SCGN: variants seen among roughly 807,000 people sequenced by gnomAD.
SCGN encodes the protein secretagogin.
SCGN carries 30 observed loss-of-function variants against 39.7 expected under a neutral mutation model. The observed-to-expected ratio is 0.76, with a 90% CI of 0.57 to 1.03. The LOEUF (loss-of-function observed/expected upper bound fraction) is 1.03. Ranked by LOEUF, SCGN falls within the 50% of genes least tolerant of loss-of-function variation. The probability of loss-of-function intolerance (pLI) is 0.00; values close to 1 mark genes in which losing one functional copy is unlikely to be tolerated. For missense variants in SCGN, 353 were observed against 349.4 expected, an observed-to-expected ratio of 1.01 and a Z score of -0.08; for synonymous variants, 106 against 114.1, an observed-to-expected ratio of 0.93 and a Z score of 0.45.
rs377755840 is a variant in SCGN at position 25,652,553 on chromosome 6, C to A, written c.82+68C>A. 6.3e-5 allele frequency: 90 copies of A among 1,437,806 alleles called. 3 individuals carry two copies. Among genetic ancestry groups the A allele is most frequent in the East Asian group, 5.9e-4 (26 of 43,966 alleles). 89.1% of individuals were successfully genotyped at this position (1,437,806 alleles called of 1,614,324 possible). On this transcript the variant is annotated intron_variant, in intron 1 of 10. Transcript: ENST00000377961. ...CTCCAAGCTCAGCCCGCTGAAAGGA[C>A]CTGGAGTTTCCCCTTTACTGTAGGA... is the stretch of plus-strand genomic sequence containing the variant.
At position 25,656,592 on chromosome 6, in the gene SCGN, C is replaced by G. The variant is rs540703909; in HGVS notation, c.153+3140C>G. ...TCTATGTGTACATACCCCTCACATA[C>G]AGACTGTACCACATCCTGGGCCTCT... On this transcript the variant is annotated intron_variant, in intron 2 of 10. Transcript: ENST00000377961. 3.9e-5 allele frequency among the ~76,000 whole-genome samples: 6 copies of G among 152,320 alleles called. No individual in the cohort carries two copies. The East Asian group carries it at 1.2e-3, about 29-fold the overall frequency.
intron 10 of SCGN, among the ~76,000 whole-genome samples, chr6:25,694,080 C>T (rs1759808975): frequency 6.6e-6 from 1 of 152,286 alleles, no homozygotes; most frequent in East Asian, 1.9e-4. Flanking sequence ...AGCTATATCA[C>T]ATATTGATCT....
At chr6:25,660,433 C>T (rs1029061624) in intron 2 of SCGN, among the ~76,000 whole-genome samples, 4 of 152,188 alleles carry the variant, frequency 2.6e-5, no homozygotes, top group African/African-American at 4.8e-5. Context: ...GTGTTTGGCA[C>T]ATGGTAGGTG....
chr6:25,652,304 G>C lies in SCGN; in HGVS notation c.-100G>C, dbSNP rs887735492. The C allele has an allele frequency of 2.2e-6, 2 of 926,300 alleles. No homozygotes were observed. Among genetic ancestry groups the C allele is most frequent in the African/African-American group, 1.6e-5 (1 of 61,004 alleles). 57.4% of individuals were successfully genotyped at this position (926,300 alleles called of 1,614,324 possible). A position where few individuals can be genotyped will look rare whatever the true frequency, so the allele number is the denominator to read the frequency against. On this transcript the variant is annotated 5_prime_UTR_variant, in exon 1 of 11. Transcript: ENST00000377961. ...AGTTACTCAAAGCTAATCAGATAGC[G>C]AAAGAAGCAGGAGAGCAAGTCAAGA...
At chr6:25,654,316 G>T (rs987643222) in intron 2 of SCGN, among the ~76,000 whole-genome samples, 13 of 152,340 alleles carry the variant, frequency 8.5e-5, no homozygotes, top group East Asian at 1.9e-4. Context: ...AACATGGGGA[G>T]GGTATGTGGG....
intron 10 of SCGN, among the ~76,000 whole-genome samples, chr6:25,700,386 G>T (rs1416299411): frequency 2.0e-5 from 3 of 152,118 alleles, no homozygotes; most frequent in African/African-American, 7.2e-5. Flanking sequence ...CATGAGAATG[G>T]TATGAAATTT....
chr6:25,700,033 G>A (rs1307485096), intron 10 of SCGN, among the ~76,000 whole-genome samples: 2 of 152,010 alleles, frequency 1.3e-5, no homozygotes, highest in African/African-American at 4.8e-5. Context: ...ATCACCAGGG[G>A]TCAGGAGTTT....
chr6:25,659,720 A>G (rs374233249), intron 2 of SCGN, among the ~76,000 whole-genome samples: 1 of 152,268 alleles, frequency 6.6e-6, no homozygotes, highest in East Asian at 1.9e-4. Flanking sequence ...TAGATTTTCT[A>G]CTCACTGGAA....
At chr6:25,698,253 C>T (rs3922681) in intron 10 of SCGN, among the ~76,000 whole-genome samples, 40,568 of 152,054 alleles carry the variant, frequency 0.27, 6,568 homozygotes, top group East Asian at 0.67. Flanking sequence ...TTCATTCCCA[C>T]ATCCCCTAAT....
intron 7 of SCGN, among the ~76,000 whole-genome samples, chr6:25,683,055 G>T (rs1299742496): frequency 6.6e-6 from 1 of 152,192 alleles, no homozygotes; most frequent in Non-Finnish European, 1.5e-5. Flanking sequence ...CATAGGAATT[G>T]TGAGGCAGCC....
Position 25,674,200 on chromosome 6 carries a change from C to T in SCGN, c.471+4124C>T, listed in dbSNP as rs375346099. ...CAACATCCAAGCTATATCAGCTTCT[C>T]ATTGGCTTTTTATGCACTGAGGTGA... On this transcript the variant is annotated intron_variant, in intron 6 of 10. Transcript: ENST00000377961. Among the ~76,000 whole-genome samples, 9 of 152,314 alleles carry T rather than the reference C, an allele frequency of 5.9e-5. No individual in the cohort carries two copies. In the East Asian group the frequency reaches 1.2e-3, roughly 20 times the overall value.
chr6:25,670,159 T>C (rs1370087401), intron 6 of SCGN, 83 bp downstream of exon 6: 1 of 963,076 alleles, frequency 1.0e-6, no homozygotes, highest in Non-Finnish European at 1.7e-6. Context: ...TGCTAGAGAG[T>C]TCGTCCTTGA....
chr6:25,694,345 C>T (rs1561770645), intron 10 of SCGN, among the ~76,000 whole-genome samples: 1 of 152,128 alleles, frequency 6.6e-6, no homozygotes, highest in Non-Finnish European at 1.5e-5. Context: ...ACATAGCAGA[C>T]AAGACATTTT....
chr6:25,663,892 A>G (rs1760383934), intron 3 of SCGN, among the ~76,000 whole-genome samples: 1 of 152,178 alleles, frequency 6.6e-6, no homozygotes, highest in Non-Finnish European at 1.5e-5. Context: ...AATGTGAGCT[A>G]ATTACACCTA....
At chr6:25,677,412 C>A (rs1759578224) in intron 6 of SCGN, among the ~76,000 whole-genome samples, 2 of 152,044 alleles carry the variant, frequency 1.3e-5, no homozygotes, top group Non-Finnish European at 2.9e-5. Context: ...TTATTAGACA[C>A]AGAGTAATTA....
At chr6:25,673,229 A>G (rs760177918) in intron 6 of SCGN, among the ~76,000 whole-genome samples, 1 of 152,040 alleles carries the variant, frequency 6.6e-6, no homozygotes, top group Non-Finnish European at 1.5e-5. Context: ...AGGGTTGCAT[A>G]TTGCACATTT....
chr6:25,667,523 T>C (rs1760442879), intron 4 of SCGN, among the ~76,000 whole-genome samples: 1 of 152,232 alleles, frequency 6.6e-6, no homozygotes, highest in South Asian at 2.1e-4. Flanking sequence ...GCCATTATTG[T>C]CCAGAATATT....
intron 6 of SCGN, among the ~76,000 whole-genome samples, chr6:25,680,749 G>A (rs1404156621): frequency 1.3e-5 from 2 of 152,174 alleles, no homozygotes; most frequent in Non-Finnish European, 2.9e-5. Context: ...TTTAAGGGAC[G>A]TAATTGGACA....
intron 4 of SCGN, among the ~76,000 whole-genome samples, chr6:25,668,481 C>T (rs1759429500): frequency 6.6e-6 from 1 of 152,198 alleles, no homozygotes; most frequent in Non-Finnish European, 1.5e-5. Context: ...TTATCCCCTC[C>T]ATCAGAGACA....
Sources: allele counts gnomAD v4.1 joint callset (sites outside exome capture counted in the v4.1 genomes callset), GRCh38; gene constraint gnomAD v4.1.1; transcripts MANE v1.5; gene names NCBI Gene and HGNC (gene_info 2026-07-23, HGNC 2026-07-21).